GRID1: variants seen among roughly 807,000 people sequenced by gnomAD.
GRID1 encodes the protein glutamate receptor ionotropic, delta-1.
Under a neutral mutation model 98.0 loss-of-function variants are expected in GRID1, and 28 were observed. The observed-to-expected ratio is 0.29, with a 90% CI of 0.21 to 0.39. The LOEUF (loss-of-function observed/expected upper bound fraction) is 0.39. GRID1 is among the 10% of genes least tolerant of loss of function. The probability of loss-of-function intolerance (pLI) is 1.00; values close to 1 mark genes in which losing one functional copy is unlikely to be tolerated. For synonymous variants in GRID1, 553 were observed against 538.5 expected, an observed-to-expected ratio of 1.03 and a Z score of -0.37; for missense variants, 1,111 against 1,340.5, an observed-to-expected ratio of 0.83 and a Z score of 2.67.
At chr10:86,098,976 T>G (rs1201866878) in intron 4 of GRID1, among the ~76,000 whole-genome samples, 1 of 152,196 alleles carries the variant, frequency 6.6e-6, no homozygotes, top group African/African-American at 2.4e-5. Context: ...TAAAGAGCAC[T>G]CAACACAAGC....
At chr10:86,145,379 C>A (rs1453011083) in intron 3 of GRID1, among the ~76,000 whole-genome samples, 1 of 152,174 alleles carries the variant, frequency 6.6e-6, no homozygotes, top group African/African-American at 2.4e-5. Context: ...CCCGCCACCA[C>A]GCCCGGCTCA....
chr10:85,737,518 C>G (rs1160767913), intron 8 of GRID1, among the ~76,000 whole-genome samples: 1 of 151,670 alleles, frequency 6.6e-6, no homozygotes, highest in Non-Finnish European at 1.5e-5. Context: ...GACTGACCAA[C>G]TCCAATAATG....
At chr10:85,982,421 C>A (rs1842557078) in intron 4 of GRID1, among the ~76,000 whole-genome samples, 1 of 152,114 alleles carries the variant, frequency 6.6e-6, no homozygotes, top group South Asian at 2.1e-4. Flanking sequence ...GAGGATTAGA[C>A]CAGGTGCTAT....
intron 4 of GRID1, among the ~76,000 whole-genome samples, chr10:85,941,143 A>G (rs1841993288): frequency 6.6e-6 from 1 of 152,232 alleles, no homozygotes; most frequent in African/African-American, 2.4e-5. Context: ...AGGAAGATAT[A>G]GGTTCAAATC....
At chr10:86,266,229 T>C (rs558623174) in intron 2 of GRID1, among the ~76,000 whole-genome samples, 1 of 152,066 alleles carries the variant, frequency 6.6e-6, no homozygotes, top group South Asian at 2.1e-4. Flanking sequence ...AACACACCTA[T>C]GACCCCAGCT....
rs1848681607 is a variant in GRID1 at position 86,366,426 on chromosome 10, C to G, written c.-34G>C. ...GGCGCGCGGCTCATCCACCCGGGCC[C>G]GGGGCGAGGCCGAGGGCAGCGCGAA... is the stretch of plus-strand genomic sequence containing the variant. On this transcript the variant is annotated 5_prime_UTR_variant, in exon 1 of 16. Coordinates refer to ENST00000327946, the MANE Select transcript of GRID1 (RefSeq NM_017551.3). The surrounding 1 kb of genome is among the most constrained non-coding windows in gnomAD (Gnocchi z 4.1). The G allele has an allele frequency of 6.9e-7, 1 of 1,442,598 alleles. No homozygotes were observed. The highest frequency in any genetic ancestry group is 9.2e-7 in the Non-Finnish European group (1 of 1,083,618). 89.4% of individuals were successfully genotyped at this position (1,442,598 alleles called of 1,614,324 possible).
Position 85,869,105 on chromosome 10 carries a change from G to C in GRID1, c.856C>G (p.Pro286Ala). The change falls in exon 6 of 16, where the codon CCG becomes GCG. Residue 286 changes from proline to alanine, a missense_variant. Pro to Ala is a conservative substitution (Grantham distance 27). This residue lies in a region of GRID1 where 346 missense variants were observed against 452.3 expected (regional missense o/e 0.76). Coordinates refer to ENST00000327946, the MANE Select transcript of GRID1 (RefSeq NM_017551.3). ...GRMTVVRQIF[P>A]SAKDNQKCTR... Reference sequence around the variant, plus strand: ...CATTTCTGATTGTCCTTTGCAGACGGAAAGATTTGCCGGACCACGGTCATC... The same window carrying C: ...CATTTCTGATTGTCCTTTGCAGACGCAAAGATTTGCCGGACCACGGTCATC... 1 of 1,613,944 alleles carries C rather than the reference G, an allele frequency of 6.2e-7. No individual in the cohort carries two copies. The highest frequency in any genetic ancestry group is 8.5e-7 in the Non-Finnish European group (1 of 1,179,814).
chr10:85,999,224 A>AAAG (rs1842776752), intron 4 of GRID1, among the ~76,000 whole-genome samples: 2 of 151,002 alleles, frequency 1.3e-5, no homozygotes, highest in Non-Finnish European at 2.9e-5. Context: ...AAAAAAAAAA[A>AAAG]AAAGAAAGAA....
At chr10:86,203,686 G>T (rs1564705384) in intron 3 of GRID1, among the ~76,000 whole-genome samples, 1 of 151,710 alleles carries the variant, frequency 6.6e-6, no homozygotes, top group African/African-American at 2.4e-5. Flanking sequence ...AGCCAGAAGG[G>T]CTAGCACCCT....
chr10:86,316,655 C>A (rs189590472), intron 2 of GRID1, among the ~76,000 whole-genome samples: 9 of 152,342 alleles, frequency 5.9e-5, no homozygotes, highest in Admixed American at 2.6e-4. Flanking sequence ...GGTACCTAGC[C>A]TAGAATAAGC....
chr10:86,080,008 G>A (rs1304963124), intron 4 of GRID1, among the ~76,000 whole-genome samples: 2 of 152,284 alleles, frequency 1.3e-5, no homozygotes, highest in East Asian at 3.9e-4. Context: ...ACAAGTGCAA[G>A]GAAGTGACCA....
intron 4 of GRID1, among the ~76,000 whole-genome samples, chr10:86,030,821 G>A (rs1300292110): frequency 6.6e-6 from 1 of 152,190 alleles, no homozygotes; most frequent in Non-Finnish European, 1.5e-5. Context: ...AAGTCAGGCT[G>A]CAGACATAGA....
intron 8 of GRID1, among the ~76,000 whole-genome samples, chr10:85,759,982 T>C (rs1243291025): frequency 6.6e-6 from 1 of 152,138 alleles, no homozygotes; most frequent in Non-Finnish European, 1.5e-5. Context: ...GGACTTGCTC[T>C]CTCTCGCCCC....
At chr10:85,763,690 A>C (rs1310667804) in intron 8 of GRID1, among the ~76,000 whole-genome samples, 3 of 152,340 alleles carry the variant, frequency 2.0e-5, no homozygotes, top group Middle Eastern at 3.4e-3. Flanking sequence ...ATTTTTAAGC[A>C]GTGTCCTCTG....
chr10:85,981,029 T>C (rs997586817), intron 4 of GRID1, among the ~76,000 whole-genome samples: 7 of 152,204 alleles, frequency 4.6e-5, no homozygotes, highest in African/African-American at 1.7e-4. Context: ...AGCCTCAGCG[T>C]GGAGGGGCCA....
chr10:86,048,764 C>T (rs971886790), intron 4 of GRID1, among the ~76,000 whole-genome samples: 1 of 152,238 alleles, frequency 6.6e-6, no homozygotes, highest in African/African-American at 2.4e-5. Flanking sequence ...CCACTGAAGA[C>T]TCACCTTATT....
intron 3 of GRID1, among the ~76,000 whole-genome samples, chr10:86,196,514 C>T (rs1193429362): frequency 6.6e-6 from 1 of 152,058 alleles, no homozygotes; most frequent in East Asian, 1.9e-4. Flanking sequence ...AAAGAGTTGC[C>T]AGTGTGCCCA....
chr10:86,330,745 C>T (rs765376688), intron 2 of GRID1, among the ~76,000 whole-genome samples: 6 of 152,168 alleles, frequency 3.9e-5, no homozygotes, highest in Admixed American at 1.3e-4. Context: ...GGCCAGATGC[C>T]GAGGGAAGTA....
chr10:86,181,950 T>C (rs1216202502), intron 3 of GRID1, among the ~76,000 whole-genome samples: 1 of 152,198 alleles, frequency 6.6e-6, no homozygotes, highest in Non-Finnish European at 1.5e-5. Context: ...AAATACTCAT[T>C]GGACGAATAC....
Sources: allele counts gnomAD v4.1 joint callset (sites outside exome capture counted in the v4.1 genomes callset), GRCh38; gene constraint gnomAD v4.1.1; regional missense constraint gnomAD v4.1.1; non-coding constraint Gnocchi (gnomAD v3.1); transcripts MANE v1.5; gene names NCBI Gene and HGNC (gene_info 2026-07-23, HGNC 2026-07-21).